TRPM3: variants seen among roughly 807,000 people sequenced by gnomAD.
The protein encoded by TRPM3 is transient receptor potential cation channel subfamily M member 3.
Under a neutral mutation model 181.2 loss-of-function variants are expected in TRPM3, and 77 were observed. The observed-to-expected ratio is 0.42, with a 90% CI of 0.35 to 0.51. The LOEUF is 0.51. Ranked by LOEUF, TRPM3 falls within the 20% of genes least tolerant of loss-of-function variation. TRPM3 has a pLI of 0.01. For missense variants in TRPM3, 1,759 were observed against 2,196.7 expected, an observed-to-expected ratio of 0.80 and a Z score of 3.98; for synonymous variants, 745 against 796.4, an observed-to-expected ratio of 0.94 and a Z score of 1.09.
intron 1 of TRPM3, 98 bp downstream of exon 1, chr9:71,121,080 A>T: frequency 8.2e-7 from 1 of 1,219,186 alleles, no homozygotes; most frequent in Non-Finnish European, 1.2e-6. Flanking sequence ...GCATGCATTT[A>T]GGCTCCCCCA....
intron 1 of TRPM3, among the ~76,000 whole-genome samples, chr9:71,170,066 G>C (rs987904099): frequency 6.6e-6 from 1 of 151,032 alleles, no homozygotes; most frequent in Admixed American, 6.6e-5. Flanking sequence ...ATTTCCAGTG[G>C]CAACTAGGAA....
intron 1 of TRPM3, among the ~76,000 whole-genome samples, chr9:71,014,005 G>A (rs1053062747): frequency 6.6e-6 from 1 of 151,670 alleles, no homozygotes; most frequent in Non-Finnish European, 1.5e-5. Flanking sequence ...AGTGTTTTTG[G>A]ATTGGAAATT....
intron 6 of TRPM3, among the ~76,000 whole-genome samples, chr9:70,786,369 C>T (rs535793585): frequency 6.7e-5 from 10 of 148,328 alleles, no homozygotes; most frequent in East Asian, 2.0e-4. Context: ...CCTGTAATCC[C>T]AGCTACTTGG....
intron 1 of TRPM3, among the ~76,000 whole-genome samples, chr9:71,446,354 C>T (rs1335308345): frequency 6.6e-6 from 1 of 152,312 alleles, no homozygotes; most frequent in Non-Finnish European, 1.5e-5. Flanking sequence ...ACGTCTCACA[C>T]GCTCTGTTAA....
chr9:70,700,848 T>C (rs539296836), intron 8 of TRPM3, among the ~76,000 whole-genome samples: 1 of 152,344 alleles, frequency 6.6e-6, no homozygotes, highest in African/African-American at 2.4e-5. Context: ...GACTGGGCAA[T>C]GTTAAACGTG....
chr9:70,863,154 C>T, intron 2 of TRPM3, 42 bp from the exon 3 acceptor site: 1 of 1,564,944 alleles, frequency 6.4e-7, no homozygotes. Flanking sequence ...GTATTAGTCA[C>T]TATTGGGATA....
intron 1 of TRPM3, among the ~76,000 whole-genome samples, chr9:71,001,391 T>C (rs2097599027): frequency 2.0e-5 from 3 of 152,224 alleles, no homozygotes; most frequent in Admixed American, 6.5e-5. Context: ...GGTTTTTGCA[T>C]GTTTGTTCTT....
chr9:71,340,712 A>G (rs2090904259), intron 1 of TRPM3, among the ~76,000 whole-genome samples: 1 of 152,106 alleles, frequency 6.6e-6, no homozygotes. Flanking sequence ...GTATACGTAC[A>G]TATATTTCTT....
intron 1 of TRPM3, among the ~76,000 whole-genome samples, chr9:71,061,241 C>T (rs1053935596): frequency 3.5e-4 from 54 of 152,140 alleles, no homozygotes; most frequent in African/African-American, 1.3e-3. Flanking sequence ...GGACAGAGGC[C>T]ACTTCCTGCA....
At chr9:71,320,290 G>T (rs2089081909) in intron 1 of TRPM3, among the ~76,000 whole-genome samples, 1 of 151,594 alleles carries the variant, frequency 6.6e-6, no homozygotes, top group Non-Finnish European at 1.5e-5. Context: ...TTGCAATTCT[G>T]GTATTGCAAA....
chr9:70,784,560 G>A (rs2083178750), intron 6 of TRPM3, among the ~76,000 whole-genome samples: 2 of 152,138 alleles, frequency 1.3e-5, no homozygotes. Context: ...GGGAGGGCCT[G>A]GGGTGAGGAG....
chr9:71,446,791 G>A (rs2131708544), exon 1 of TRPM3: 2 of 1,550,188 alleles, frequency 1.3e-6, no homozygotes, highest in Non-Finnish European at 1.7e-6. Flanking sequence ...CGCGGTCGGA[G>A]CAGCCCCGCT....
intron 18 of TRPM3, among the ~76,000 whole-genome samples, chr9:70,614,626 A>G (rs570339241): frequency 6.6e-6 from 1 of 152,336 alleles, no homozygotes; most frequent in African/African-American, 2.4e-5. Context: ...ACAGTGTGCC[A>G]GTCTCCAATA....
chr9:70,536,705 TC>T lies in TRPM3; in HGVS notation c.4407del (p.Ser1470AlafsTer48). On this transcript the variant is annotated frameshift_variant, in exon 26 of 26. Transcript: ENST00000677713. LOFTEE classifies it high-confidence loss of function. ...GAGGTGATGTCCTCAAAATCAATGC[TC>T]CGGCTTGGAGGTCTGTCTGTGGGTG... ...TLAPTDRPPS[R>X]SIDFEDITSM... The T allele has an allele frequency of 6.2e-7, 1 of 1,614,148 alleles. No homozygotes were observed. The highest frequency in any genetic ancestry group is 8.5e-7 in the Non-Finnish European group (1 of 1,180,026).
At chr9:71,439,103 G>A (rs2094093863) in intron 1 of TRPM3, among the ~76,000 whole-genome samples, 1 of 152,118 alleles carries the variant, frequency 6.6e-6, no homozygotes, top group Non-Finnish European at 1.5e-5. Context: ...AAACATAGAA[G>A]AATGGACATT....
intron 6 of TRPM3, among the ~76,000 whole-genome samples, 160 bp from the exon 7 acceptor site, chr9:70,784,439 GA>G (rs1243655688): frequency 1.3e-5 from 2 of 152,158 alleles, no homozygotes; most frequent in Admixed American, 1.3e-4. Flanking sequence ...AAAATTTACA[GA>G]AAACCCTTCA....
intron 22 of TRPM3, among the ~76,000 whole-genome samples, chr9:70,565,514 A>G (rs1479344274): frequency 6.6e-6 from 1 of 152,134 alleles, no homozygotes; most frequent in Non-Finnish European, 1.5e-5. Context: ...GCTGGTCTCG[A>G]ACCGCTGACC....
intron 12 of TRPM3, among the ~76,000 whole-genome samples, chr9:70,634,367 G>C (rs781736496): frequency 6.6e-6 from 1 of 152,080 alleles, no homozygotes; most frequent in South Asian, 2.1e-4. Context: ...CCCACCTTGG[G>C]CCTCCAAAGT....
At chr9:70,787,696 G>T (rs112474526) in intron 6 of TRPM3, among the ~76,000 whole-genome samples, 11 of 141,894 alleles carry the variant, frequency 7.8e-5, no homozygotes, top group African/African-American at 2.8e-4. Flanking sequence ...CCTTTCTCCA[G>T]AAAAGTAAAC....
Sources: gnomAD v4.1 joint callset for allele counts (sites outside exome capture counted in the v4.1 genomes callset) on GRCh38, gnomAD v4.1.1 for gene constraint, MANE v1.5 for transcripts, NCBI Gene and HGNC (gene_info 2026-07-23, HGNC 2026-07-21) for gene names.